Variants in ANK2 observed in about 807,000 individuals in gnomAD.
ANK2 encodes the protein ankyrin-2.
In ANK2, 83 loss-of-function variants were observed where a neutral mutation model predicts 360.5. The ratio of observed to expected loss-of-function variants is 0.23; its 90% CI spans 0.19 to 0.28. The LOEUF (loss-of-function observed/expected upper bound fraction) is 0.28. ANK2 is among the 10% of genes least tolerant of loss of function. The probability of loss-of-function intolerance (pLI) is 1.00; values close to 1 mark genes in which losing one functional copy is unlikely to be tolerated. For synonymous variants in ANK2, 1,740 were observed against 1,759.5 expected, an observed-to-expected ratio of 0.99 and a Z score of 0.28; for missense variants, 4,201 against 4,795.7, an observed-to-expected ratio of 0.88 and a Z score of 3.66.
At chr4:113,085,889 A>T (rs1046051275) in intron 1 of ANK2, among the ~76,000 whole-genome samples, 2 of 152,170 alleles carry the variant, frequency 1.3e-5, no homozygotes, top group African/African-American at 4.8e-5. Flanking sequence ...AAAGGAATAG[A>T]TTCTTCTGGA....
chr4:113,215,939 A>C (rs984231041), intron 4 of ANK2, among the ~76,000 whole-genome samples: 1 of 152,186 alleles, frequency 6.6e-6, no homozygotes, highest in Non-Finnish European at 1.5e-5. Context: ...CAACTTAATA[A>C]GGAAAGGTAT....
chr4:113,137,369 G>T (rs1199524367), intron 1 of ANK2, among the ~76,000 whole-genome samples: 1 of 152,256 alleles, frequency 6.6e-6, no homozygotes, highest in African/African-American at 2.4e-5. Flanking sequence ...TATGGGAAAG[G>T]TAATGTCAAA....
the ANK2 span, among the ~76,000 whole-genome samples, chr4:112,761,402 C>T: frequency 1.3e-5 from 2 of 152,074 alleles, no homozygotes; most frequent in Non-Finnish European, 2.9e-5. Context: ...GGGTGGATCA[C>T]GAGGTTAGGA....
intron 1 of ANK2, among the ~76,000 whole-genome samples, chr4:112,824,394 G>A (rs60864293): frequency 0.12 from 18,034 of 152,048 alleles, 1,804 homozygotes; most frequent in African/African-American, 0.27. Context: ...TGGAGACAGT[G>A]TGTTGTTCTG....
At chr4:113,025,161 GC>G (rs1206125917) in intron 2 of ANK2, among the ~76,000 whole-genome samples, 1 of 146,198 alleles carries the variant, frequency 6.8e-6, no homozygotes, top group Admixed American at 6.7e-5. Context: ...TCTGCCCCCT[GC>G]CCCAATTTTC....
intron 18 of ANK2, among the ~76,000 whole-genome samples, chr4:113,285,807 A>G (rs2064277258): frequency 1.3e-5 from 2 of 152,206 alleles, no homozygotes; most frequent in Non-Finnish European, 2.9e-5. Context: ...CCTTAGGGAA[A>G]GTGAAAGGAG....
At chr4:113,052,367 A>G (rs1232759044) in intron 1 of ANK2, among the ~76,000 whole-genome samples, 3 of 152,186 alleles carry the variant, frequency 2.0e-5, no homozygotes, top group East Asian at 1.9e-4. Flanking sequence ...ATCCAGGACT[A>G]CGGACCACCA....
intron 2 of ANK2, among the ~76,000 whole-genome samples, chr4:113,032,161 C>A (rs76202425): frequency 6.6e-6 from 1 of 152,050 alleles, no homozygotes; most frequent in African/African-American, 2.4e-5. Context: ...TAAGGCTGCA[C>A]ACACTGTTTG....
chr4:113,373,565 G>A, intron 45 of ANK2, 116 bp downstream of exon 45: 1 of 1,171,110 alleles, frequency 8.5e-7, no homozygotes, highest in Non-Finnish European at 1.3e-6. Flanking sequence ...TCATGTGGCA[G>A]TTTGCTCTTA....
At chr4:112,883,604 T>C (rs2077414153) in intron 1 of ANK2, among the ~76,000 whole-genome samples, 1 of 152,108 alleles carries the variant, frequency 6.6e-6, no homozygotes, top group South Asian at 2.1e-4. Context: ...GGAATCTGTA[T>C]TCATACTGCC....
intron 1 of ANK2, among the ~76,000 whole-genome samples, chr4:113,148,688 G>A (rs959579352): frequency 6.6e-6 from 1 of 152,140 alleles, no homozygotes; most frequent in East Asian, 1.9e-4. Context: ...GCGATTTAAC[G>A]ATGACAAGAC....
At chr4:113,207,703 AAAAG>A (rs2098969686) in intron 4 of ANK2, among the ~76,000 whole-genome samples, 3 of 146,040 alleles carry the variant, frequency 2.1e-5, no homozygotes, top group African/African-American at 2.6e-5. Flanking sequence ...AAAAAAAAAA[AAAAG>A]AAGAAGTAAA....
the ANK2 span, among the ~76,000 whole-genome samples, chr4:112,778,448 A>C: frequency 6.6e-6 from 1 of 152,212 alleles, no homozygotes; most frequent in Non-Finnish European, 1.5e-5. Flanking sequence ...CTGGGATTAC[A>C]GGCATGAACC....
At chr4:112,997,444 A>G (rs190677097) in intron 2 of ANK2, among the ~76,000 whole-genome samples, 13 of 152,248 alleles carry the variant, frequency 8.5e-5, no homozygotes, top group Admixed American at 2.0e-4. Context: ...GATATGCAAT[A>G]TGCTTAACAG....
intron 14 of ANK2, among the ~76,000 whole-genome samples, chr4:113,267,040 A>G (rs1402844384): frequency 6.6e-6 from 1 of 152,196 alleles, no homozygotes; most frequent in Non-Finnish European, 1.5e-5. Flanking sequence ...TTAGCCACAT[A>G]AATATCTTCT....
intron 20 of ANK2, among the ~76,000 whole-genome samples, chr4:113,291,625 A>G (rs1277601467): frequency 6.6e-6 from 1 of 152,240 alleles, no homozygotes; most frequent in African/African-American, 2.4e-5. Flanking sequence ...AGGGGTATGT[A>G]CACTTAAAAG....
chr4:112,968,268 G>A (rs1409383002), intron 2 of ANK2, among the ~76,000 whole-genome samples: 1 of 152,192 alleles, frequency 6.6e-6, no homozygotes, highest in Non-Finnish European at 1.5e-5. Context: ...GATCTTCGCA[G>A]CCACAGACTT....
At chr4:112,889,090 G>A (rs978718076) in intron 1 of ANK2, among the ~76,000 whole-genome samples, 1 of 152,012 alleles carries the variant, frequency 6.6e-6, no homozygotes, top group Admixed American at 6.6e-5. Flanking sequence ...CTCTATAAAT[G>A]ACACATTTCT....
At chr4:112,706,401 G>C in the ANK2 span, among the ~76,000 whole-genome samples, 3 of 152,096 alleles carry the variant, frequency 2.0e-5, no homozygotes, top group East Asian at 3.9e-4. Context: ...TTCACACACA[G>C]ACACACATAC....
Sources: allele counts gnomAD v4.1 joint callset (sites outside exome capture counted in the v4.1 genomes callset), GRCh38; gene constraint gnomAD v4.1.1; transcripts MANE v1.5; gene names NCBI Gene and HGNC (gene_info 2026-07-23, HGNC 2026-07-21).